OSBPL10: variants seen among roughly 807,000 people sequenced by gnomAD.
OSBPL10 encodes the protein oxysterol-binding protein-related protein 10.
OSBPL10 carries 49 observed loss-of-function variants against 81.7 expected under a neutral mutation model. The observed-to-expected ratio is 0.60, with a 90% CI of 0.48 to 0.76. OSBPL10 has a LOEUF of 0.76. Among genes scored for constraint, OSBPL10 ranks in the 30% least tolerant of loss-of-function variants. OSBPL10 has a pLI of 0.00. For missense variants in OSBPL10, 923 were observed against 987.8 expected, an observed-to-expected ratio of 0.93 and a Z score of 0.88; for synonymous variants, 419 against 383.6, an observed-to-expected ratio of 1.09 and a Z score of -1.08.
At chr3:31,959,972 A>G (rs978283981) in intron 1 of OSBPL10, among the ~76,000 whole-genome samples, 1 of 152,184 alleles carries the variant, frequency 6.6e-6, no homozygotes, top group Non-Finnish European at 1.5e-5. Flanking sequence ...CCACTGTGCT[A>G]CTTAAAATCA....
intron 2 of OSBPL10, among the ~76,000 whole-genome samples, chr3:32,021,288 C>T (rs138226459): frequency 1.4e-4 from 21 of 152,270 alleles, no homozygotes; most frequent in East Asian, 9.6e-4. Context: ...GTATTTTCTC[C>T]GCGTTGCTGC....
chr3:31,951,345 A>G (rs1697864078), intron 1 of OSBPL10, among the ~76,000 whole-genome samples: 1 of 152,138 alleles, frequency 6.6e-6, no homozygotes, highest in South Asian at 2.1e-4. Context: ...AAACTAAATA[A>G]TACAGAGAGA....
intron 1 of OSBPL10, among the ~76,000 whole-genome samples, chr3:31,970,440 G>A (rs555104296): frequency 6.6e-6 from 1 of 152,180 alleles, no homozygotes; most frequent in Non-Finnish European, 1.5e-5. Context: ...GAAAGGAAAA[G>A]GTAAGAAGAG....
At chr3:31,702,249 C>T (rs1695917776) in intron 7 of OSBPL10, 110 bp downstream of exon 7, 8 of 1,327,398 alleles carry the variant, frequency 6.0e-6, no homozygotes, top group South Asian at 3.0e-5. Flanking sequence ...TTTTTCCCCA[C>T]TCTTCTTCTC....
chr3:31,993,939 T>G (rs1188229752), intron 2 of OSBPL10, among the ~76,000 whole-genome samples: 4 of 152,200 alleles, frequency 2.6e-5, no homozygotes, highest in Admixed American at 6.5e-5. Flanking sequence ...GATGCCTTAT[T>G]CATAATCATC....
chr3:31,786,954 C>T (rs1002107721), intron 4 of OSBPL10, among the ~76,000 whole-genome samples: 1 of 152,090 alleles, frequency 6.6e-6, no homozygotes, highest in Non-Finnish European at 1.5e-5. Context: ...CAATTTCAGG[C>T]AAATGATTTA....
rs556923667 is a variant in OSBPL10 at position 31,931,795 on chromosome 3, G to A, written c.281+49104C>T. Among the ~76,000 whole-genome samples, 5 of 152,300 alleles carry A rather than the reference G, an allele frequency of 3.3e-5. No homozygotes were observed. The East Asian group carries it at 9.6e-4, about 29-fold the overall frequency. On this transcript the variant is annotated intron_variant, in intron 1 of 11. Transcript: ENST00000396556. ...ATAGTGATGTAATTTACAGAATTTAGGCTGGGCATGGTGGCTCATGCCCAT... is the reference window on the plus strand; with the variant it reads ...ATAGTGATGTAATTTACAGAATTTAAGCTGGGCATGGTGGCTCATGCCCAT...
At chr3:31,689,910 A>G (rs557599591) in intron 7 of OSBPL10, among the ~76,000 whole-genome samples, 60 of 152,308 alleles carry the variant, frequency 3.9e-4, no homozygotes, top group Non-Finnish European at 4.1e-4. Flanking sequence ...ACACATATAC[A>G]TGTATGTGTA....
chr3:32,015,168 A>T (rs1265992288), intron 2 of OSBPL10, among the ~76,000 whole-genome samples: 6 of 151,320 alleles, frequency 4.0e-5, no homozygotes, highest in South Asian at 2.1e-4. Flanking sequence ...ACAAAGCTGG[A>T]GGCATCACAC....
rs140105301 is a variant in OSBPL10 at position 31,845,539 on chromosome 3, T to G, written c.538-15308A>C. Among the ~76,000 whole-genome samples the G allele has an allele frequency of 4.2e-3, 647 of 152,322 alleles. 3 individuals are homozygous for G. Among genetic ancestry groups the G allele is most frequent in the African/African-American group, 0.014 (578 of 41,570 alleles). On this transcript the variant is annotated intron_variant, in intron 3 of 11. Coordinates refer to ENST00000396556, the MANE Select transcript of OSBPL10 (RefSeq NM_017784.5). ...AGTGCTTTTATAGTAAGAAAAAAGT[T>G]AAACTAATGAATTCTATTATTCCTC...
intron 2 of OSBPL10, among the ~76,000 whole-genome samples, chr3:31,993,124 G>A (rs920720173): frequency 6.6e-5 from 10 of 151,792 alleles, no homozygotes; most frequent in African/African-American, 4.8e-5. Context: ...CTTGTTTCCC[G>A]CATATTCAAA....
chr3:31,879,952 CA>C, intron 1 of OSBPL10, 122 bp from the exon 2 acceptor site: 1 of 1,054,402 alleles, frequency 9.5e-7, no homozygotes, highest in Non-Finnish European at 1.3e-6. Flanking sequence ...AGCTGGAAAC[CA>C]AAAGTCCCTC....
chr3:32,045,744 C>G (rs1378097849), intron 2 of OSBPL10: 1 of 152,236 alleles, frequency 6.6e-6, no homozygotes, highest in Non-Finnish European at 1.5e-5. Context: ...TCTCATCCAA[C>G]GGGGCTGACT....
chr3:31,851,804 G>A (rs1227309061), intron 3 of OSBPL10, among the ~76,000 whole-genome samples: 1 of 152,160 alleles, frequency 6.6e-6, no homozygotes, highest in East Asian at 1.9e-4. Flanking sequence ...GACTGAGTCC[G>A]GTGATCCCTG....
chr3:31,839,304 C>T (rs1368662084), intron 3 of OSBPL10, among the ~76,000 whole-genome samples: 3 of 152,076 alleles, frequency 2.0e-5, no homozygotes, highest in Admixed American at 2.0e-4. Context: ...CCTGGCACAA[C>T]ATCAACTGAC....
rs567663732 is a variant in OSBPL10 at position 32,047,024 on chromosome 3, C to T, written n.186-421G>A. Among the ~76,000 whole-genome samples the T allele has an allele frequency of 8.5e-5, 13 of 152,274 alleles. No homozygotes were observed. In the East Asian group the frequency reaches 2.5e-3, roughly 29 times the overall value. ...AAGTTTGTTTTGTTTTTCTTTGAGA[C>T]AGGGTCTTATTGTCACCCAGGCTGG... On this transcript the variant is annotated intron_variant and non_coding_transcript_variant, in intron 1 of 3. Transcript: ENST00000479173.
chr3:31,668,681 T>G lies in OSBPL10; in HGVS notation c.2057A>C (p.Lys686Thr). 4.3e-6 allele frequency: 7 copies of G among 1,613,996 alleles called. No homozygotes were observed. The highest frequency in any genetic ancestry group is 1.1e-5 in the South Asian group (1 of 91,048). ...DTTTLPVYPK[K>T]IRPLEKQGPM... ...TCCCTGCTTCTCAAGAGGTCTGATC[T>G]TCTTGGGATACACTGGCAGTGTGGT... Residue 686 changes from lysine (K) to threonine (T), a missense_variant, in exon 10 of 12, where the codon AAG becomes ACG. Around this residue, in one of 3 missense-constraint regions of OSBPL10, gnomAD observed 387 missense variants for 436.3 expected, o/e 0.89. Coordinates refer to ENST00000396556, the MANE Select transcript of OSBPL10 (RefSeq NM_017784.5).
chr3:31,982,611 C>T (rs915222796), upstream of OSBPL10, among the ~76,000 whole-genome samples: 1 of 151,562 alleles, frequency 6.6e-6, no homozygotes, highest in East Asian at 1.9e-4. Context: ...AGTGGTTGTG[C>T]CCCTGAGTAA....
chr3:31,779,867 GAATAA>G (rs1482100162), intron 4 of OSBPL10, among the ~76,000 whole-genome samples: 1 of 152,042 alleles, frequency 6.6e-6, no homozygotes, highest in Non-Finnish European at 1.5e-5. Context: ...GACCACAGTG[GAATAA>G]AATTGGAAAT....
Sources: allele counts gnomAD v4.1 joint callset (sites outside exome capture counted in the v4.1 genomes callset), GRCh38; gene constraint gnomAD v4.1.1; regional missense constraint gnomAD v4.1.1; transcripts MANE v1.5; gene names NCBI Gene and HGNC (gene_info 2026-07-23, HGNC 2026-07-21).